Variants in PDE1C observed in about 807,000 individuals in gnomAD.
The protein encoded by PDE1C is dual specificity calcium/calmodulin-dependent 3',5'-cyclic nucleotide phosphodiesterase 1C.
Under a neutral mutation model 93.1 loss-of-function variants are expected in PDE1C, and 62 were observed. The ratio of observed to expected loss-of-function variants is 0.67; its 90% CI spans 0.54 to 0.82. PDE1C has a LOEUF of 0.82. PDE1C is among the 40% of genes least tolerant of loss of function. The pLI is 0.00. For missense variants in PDE1C, 742 were observed against 884.6 expected, an observed-to-expected ratio of 0.84 and a Z score of 2.04; for synonymous variants, 325 against 310.1, an observed-to-expected ratio of 1.05 and a Z score of -0.50.
At chr7:31,866,141 T>C (rs2128843007) in intron 6 of PDE1C, among the ~76,000 whole-genome samples, 1 of 152,218 alleles carries the variant, frequency 6.6e-6, no homozygotes, top group East Asian at 1.9e-4. Flanking sequence ...TCAGGGTAAA[T>C]TATACAATAT....
chr7:31,690,322 A>G, the PDE1C span, among the ~76,000 whole-genome samples: 1 of 152,222 alleles, frequency 6.6e-6, no homozygotes, highest in Non-Finnish European at 1.5e-5. Context: ...ATGCTATTTC[A>G]TCTTCACAGT....
At chr7:31,962,820 C>A (rs1459170689) in intron 2 of PDE1C, among the ~76,000 whole-genome samples, 2 of 152,144 alleles carry the variant, frequency 1.3e-5, no homozygotes, top group Non-Finnish European at 2.9e-5. Context: ...CAGTCAAGAC[C>A]TACACAAATG....
At chr7:32,156,555 G>C (rs1410939483) in intron 3 of PDE1C, among the ~76,000 whole-genome samples, 2 of 152,106 alleles carry the variant, frequency 1.3e-5, no homozygotes, top group African/African-American at 4.8e-5. Context: ...CGCCTCTGCT[G>C]GGCCTTTGTG....
At chr7:31,835,495 C>T (rs1274900882) in intron 11 of PDE1C, among the ~76,000 whole-genome samples, 1 of 150,364 alleles carries the variant, frequency 6.7e-6, no homozygotes, top group Non-Finnish European at 1.5e-5. Context: ...TACCTGTTGA[C>T]ATACACATAT....
At chr7:31,705,284 G>T in the PDE1C span, among the ~76,000 whole-genome samples, 3,058 of 152,176 alleles carry the variant, frequency 0.02, 117 homozygotes, top group African/African-American at 0.069. Flanking sequence ...ATCTGGATTT[G>T]GGAACTTAAA....
the PDE1C span, among the ~76,000 whole-genome samples, chr7:31,722,441 C>T: frequency 6.6e-6 from 1 of 152,160 alleles, no homozygotes; most frequent in South Asian, 2.1e-4. Flanking sequence ...AGACAAGGAC[C>T]TTACCTGCAG....
chr7:31,991,664 G>T (rs1282284781), intron 2 of PDE1C, among the ~76,000 whole-genome samples: 1 of 152,098 alleles, frequency 6.6e-6, no homozygotes, highest in Non-Finnish European at 1.5e-5. Context: ...ACCTATCTTG[G>T]CCTATGGAAA....
intron 11 of PDE1C, among the ~76,000 whole-genome samples, chr7:31,836,404 G>A (rs1048985092): frequency 1.3e-5 from 2 of 151,884 alleles, no homozygotes; most frequent in South Asian, 4.2e-4. Flanking sequence ...GTGCGATCTC[G>A]GCTAACTGCA....
chr7:31,771,994 C>A (rs966199425), intron 17 of PDE1C, among the ~76,000 whole-genome samples: 1 of 146,664 alleles, frequency 6.8e-6, no homozygotes, highest in African/African-American at 2.5e-5. Context: ...TGCAGTGAGC[C>A]GAGATAGCGC....
intron 1 of PDE1C, among the ~76,000 whole-genome samples, chr7:32,410,860 C>T (rs1382440441): frequency 6.6e-6 from 1 of 152,170 alleles, no homozygotes; most frequent in Non-Finnish European, 1.5e-5. Context: ...TGATGGCTGT[C>T]CACCTTTGCT....
At chr7:31,711,556 C>T in the PDE1C span, among the ~76,000 whole-genome samples, 1 of 152,132 alleles carries the variant, frequency 6.6e-6, no homozygotes, top group East Asian at 1.9e-4. Context: ...ATTCCATGAT[C>T]CAGAAAGAGT....
chr7:31,800,925 G>A (rs1785933597), intron 16 of PDE1C, among the ~76,000 whole-genome samples: 1 of 151,086 alleles, frequency 6.6e-6, no homozygotes. Context: ...GATACCAAAT[G>A]GAAATTAGAA....
rs56109421 is a variant in PDE1C, at chr7:32,381,325, C to T, written c.310+46497G>A. Among the ~76,000 whole-genome samples, 1,333 of 152,178 alleles carry T rather than the reference C, an allele frequency of 8.8e-3. 22 individuals carry two copies. The highest frequency in any genetic ancestry group is 0.03 in the African/African-American group (1,236 of 41,516). On this transcript the variant is annotated intron_variant, in intron 1 of 1. Coordinates refer to the PDE1C transcript ENST00000672256. ...AAATCCCACCCCACCTGCGTTTTCA[C>T]TCTGCAGCCAGAGAGACTGTTCATC...
the PDE1C span, among the ~76,000 whole-genome samples, chr7:31,685,451 C>T: frequency 2.6e-5 from 4 of 152,170 alleles, no homozygotes; most frequent in African/African-American, 4.8e-5. Flanking sequence ...TCCCTCACAA[C>T]GACATGTAGA....
At chr7:31,926,511 A>G (rs1422583915) in intron 2 of PDE1C, among the ~76,000 whole-genome samples, 1 of 152,236 alleles carries the variant, frequency 6.6e-6, no homozygotes, top group Non-Finnish European at 1.5e-5. Context: ...ATGGCCAAAT[A>G]GGAACAGCTC....
chr7:32,139,727 A>T (rs1358086910), intron 3 of PDE1C, among the ~76,000 whole-genome samples: 2 of 152,194 alleles, frequency 1.3e-5, no homozygotes, highest in Non-Finnish European at 2.9e-5. Flanking sequence ...AATTTTAGCC[A>T]ATGAGACATG....
chr7:32,039,278 T>TA (rs1791514702), intron 2 of PDE1C, among the ~76,000 whole-genome samples: 1 of 152,034 alleles, frequency 6.6e-6, no homozygotes, highest in South Asian at 2.1e-4. Flanking sequence ...TTGTAGTTAC[T>TA]AAAATTATCC....
chr7:32,193,665 A>C (rs1434460767), intron 2 of PDE1C, among the ~76,000 whole-genome samples: 2 of 152,170 alleles, frequency 1.3e-5, no homozygotes, highest in Non-Finnish European at 2.9e-5. Context: ...AGCTTCATAC[A>C]TGAATTGAGA....
At chr7:32,211,918 C>T (rs1170407240) in intron 1 of PDE1C, among the ~76,000 whole-genome samples, 2 of 149,494 alleles carry the variant, frequency 1.3e-5, no homozygotes, top group Non-Finnish European at 3.0e-5. Context: ...GCCAGCTACT[C>T]GGGAAGCTGC....
Sources: allele counts gnomAD v4.1 joint callset (sites outside exome capture counted in the v4.1 genomes callset), GRCh38; gene constraint gnomAD v4.1.1; transcripts MANE v1.5; gene names NCBI Gene and HGNC (gene_info 2026-07-23, HGNC 2026-07-21).